Variants in GRB10 observed in about 807,000 individuals in gnomAD.
GRB10 encodes the protein growth factor receptor bound protein 10.
GRB10 carries 20 observed loss-of-function variants against 80.9 expected under a neutral mutation model. The ratio of observed to expected loss-of-function variants is 0.25; its 90% CI spans 0.17 to 0.36. GRB10 has a LOEUF of 0.36. Among genes scored for constraint, GRB10 ranks in the 10% least tolerant of loss-of-function variants. The probability of loss-of-function intolerance (pLI) is 1.00; values close to 1 mark genes in which losing one functional copy is unlikely to be tolerated. For synonymous variants in GRB10, 291 were observed against 291.5 expected (o/e 1.00, Z 0.02); for missense variants, 548 against 747.7 (o/e 0.73, Z 3.12).
chr7:50,734,658 C>A (rs765629653), intron 3 of GRB10, among the ~76,000 whole-genome samples: 6 of 152,192 alleles, frequency 3.9e-5, no homozygotes, highest in African/African-American at 1.4e-4. Context: ...ACTTAATATG[C>A]CAATTTTATT....
intron 3 of GRB10, among the ~76,000 whole-genome samples, chr7:50,752,444 A>C (rs1018545940): frequency 6.6e-6 from 1 of 152,226 alleles, no homozygotes; most frequent in Non-Finnish European, 1.5e-5. Flanking sequence ...GGAAAGAGAA[A>C]GGTGAAAGGC....
chr7:50,593,145 G>A, intron 18 of GRB10, 47 bp from the exon 19 acceptor site: 1 of 1,612,116 alleles, frequency 6.2e-7, no homozygotes, highest in Non-Finnish European at 8.5e-7. Flanking sequence ...TGCCACCTCA[G>A]GGAACAGAAC....
At chr7:50,741,366 G>T (rs1384763863) in intron 3 of GRB10, among the ~76,000 whole-genome samples, 1 of 151,984 alleles carries the variant, frequency 6.6e-6, no homozygotes, top group African/African-American at 2.4e-5. Context: ...AAAATGCAAA[G>T]ATCTCTGGAG....
Position 50,604,366 on chromosome 7 carries a change from T to C in GRB10, c.1401A>G (p.Thr467=). ...EEGHAWRKRS[T]RMNILGSQSP... is the part of the protein sequence containing the mutation. The stretch of plus-strand genomic sequence containing the variant: ...TTTGGCTACCTAGGATGTTCATCCG[T>C]GTGCTTCGCTTCTGCAAAAGAAATC... The change falls in exon 16 of 19, where the codon ACA becomes ACG. Residue 467 remains threonine (T), a synonymous_variant. Transcript: ENST00000401949. 6.2e-7 allele frequency: 1 copy of C among 1,613,154 alleles called. No individual in the cohort carries two copies. Among genetic ancestry groups the C allele is most frequent in the Non-Finnish European group, 8.5e-7 (1 of 1,179,744 alleles).
At chr7:50,595,284 C>T (rs1005734274) in intron 18 of GRB10, among the ~76,000 whole-genome samples, 153 bp downstream of exon 18, 5 of 152,186 alleles carry the variant, frequency 3.3e-5, no homozygotes, top group African/African-American at 1.2e-4. Flanking sequence ...TTTCAAAAGA[C>T]AAACCTGTAA....
rs143198268 is a variant in GRB10 at position 50,777,645 on chromosome 7, G to A, written c.-217+2982C>T. Among the ~76,000 whole-genome samples, 1,249 of 151,854 alleles carry A rather than the reference G, an allele frequency of 8.2e-3. 22 individuals are homozygous for A. The highest frequency in any genetic ancestry group is 0.028 in the African/African-American group (1,170 of 41,342). On this transcript the variant is annotated intron_variant, in intron 2 of 18. Transcript: ENST00000401949. ...GTTTATTGCAGCACTACTTACAAAA[G>A]CAAAGACATGGAACCAACCCAAATG...
intron 3 of GRB10, among the ~76,000 whole-genome samples, chr7:50,752,725 CAGG>C (rs1218834047): frequency 3.3e-5 from 5 of 152,186 alleles, no homozygotes; most frequent in Non-Finnish European, 5.9e-5. Context: ...AGGCCAAGAG[CAGG>C]AGAACAGAGC....
At chr7:50,680,522 G>A (rs2061424086) in intron 5 of GRB10, among the ~76,000 whole-genome samples, 1 of 152,208 alleles carries the variant, frequency 6.6e-6, no homozygotes, top group African/African-American at 2.4e-5. Flanking sequence ...CTATGCTAAT[G>A]GGCAGTGGCA....
chr7:50,669,659 C>T (rs2060160690), intron 7 of GRB10, 63 bp downstream of exon 7: 8 of 1,480,264 alleles, frequency 5.4e-6, no homozygotes, highest in South Asian at 4.5e-5. Flanking sequence ...TCTGGCACAT[C>T]TGTGCAGATC....
chr7:50,718,981 G>C (rs943352295), intron 4 of GRB10, among the ~76,000 whole-genome samples: 13 of 152,136 alleles, frequency 8.5e-5, no homozygotes, highest in Non-Finnish European at 1.6e-4. Flanking sequence ...TCTTCAGAGA[G>C]GCTGATCCAT....
intron 5 of GRB10, among the ~76,000 whole-genome samples, chr7:50,686,342 G>A (rs2062100026): frequency 6.6e-6 from 1 of 152,160 alleles, no homozygotes; most frequent in Admixed American, 6.5e-5. Flanking sequence ...CCTTGATCTT[G>A]GACTCCCCAG....
upstream of GRB10, among the ~76,000 whole-genome samples, chr7:50,785,352 A>G (rs1435611261): frequency 6.6e-6 from 1 of 152,116 alleles, no homozygotes; most frequent in African/African-American, 2.4e-5. Flanking sequence ...AACACTTCCT[A>G]TGCCTCACCT....
At chr7:50,725,619 A>G (rs184920216) in intron 4 of GRB10, among the ~76,000 whole-genome samples, 2 of 152,360 alleles carry the variant, frequency 1.3e-5, no homozygotes, top group East Asian at 3.8e-4. Context: ...CTGGGCAGAT[A>G]GATGGCAAAG....
rs188428365 is a variant in GRB10, at chr7:50,748,544, G to A, written c.-47+7343C>T. Among the ~76,000 whole-genome samples, 24 of 152,320 alleles carry A rather than the reference G, an allele frequency of 1.6e-4. No individual in the cohort carries two copies. In the East Asian group the frequency reaches 4.2e-3, roughly 27 times the overall value. The stretch of plus-strand genomic sequence containing the variant: ...AAATCAGGGTACCAGGGATGGGGTC[G>A]GGTAAAAACAAGCCTTTGTGGAACA... On this transcript the variant is annotated intron_variant, in intron 3 of 18. Coordinates refer to ENST00000401949, the MANE Select transcript of GRB10 (RefSeq NM_001350814.2).
chr7:50,789,110 CG>C (rs1190074696), intron 1 of GRB10, among the ~76,000 whole-genome samples: 1 of 152,236 alleles, frequency 6.6e-6, no homozygotes, highest in Non-Finnish European at 1.5e-5. Flanking sequence ...CAAACTGTCA[CG>C]CTAAACACAG....
intron 8 of GRB10, among the ~76,000 whole-genome samples, chr7:50,622,029 G>A (rs34631080): frequency 0.028 from 4,244 of 152,280 alleles, 81 homozygotes; most frequent in Non-Finnish European, 0.035. Context: ...CCACTGTCTC[G>A]GCCTCACATC....
At chr7:50,636,443 C>T (rs1381859465) in intron 7 of GRB10, among the ~76,000 whole-genome samples, 1 of 152,122 alleles carries the variant, frequency 6.6e-6, no homozygotes, top group African/African-American at 2.4e-5. Context: ...ATACTGCAGG[C>T]CAATATCCCT....
chr7:50,612,834 G>A lies in GRB10; in HGVS notation c.1101C>T (p.Asn367=). The A allele has an allele frequency of 6.2e-7, 1 of 1,612,454 alleles. No individual in the cohort carries two copies. The highest frequency in any genetic ancestry group is 8.5e-7 in the Non-Finnish European group (1 of 1,178,614). The part of the protein sequence containing the change: ...PTDHGLCIKP[N]KVRNETKELR... ...GCTCTTTAGTTTCATTCCTGACTTTGTTTGGCTACAGGAGGTAAAAGAAAG... is the reference window on the plus strand; with the variant it reads ...GCTCTTTAGTTTCATTCCTGACTTTATTTGGCTACAGGAGGTAAAAGAAAG... The change falls in exon 13 of 19, where the codon AAC becomes AAT. Residue 367 remains asparagine, a synonymous_variant. Transcript: ENST00000401949.
intron 17 of GRB10, among the ~76,000 whole-genome samples, chr7:50,601,811 G>A (rs2047662279): frequency 6.6e-6 from 1 of 152,178 alleles, no homozygotes; most frequent in African/African-American, 2.4e-5. Context: ...AAGATCTAAA[G>A]ATTGTAGTCT....
Sources: gnomAD v4.1 joint callset for allele counts (sites outside exome capture counted in the v4.1 genomes callset) on GRCh38, gnomAD v4.1.1 for gene constraint, MANE v1.5 for transcripts, NCBI Gene and HGNC (gene_info 2026-07-23, HGNC 2026-07-21) for gene names.